ZFHX3: variants seen among roughly 807,000 people sequenced by gnomAD.
The protein encoded by ZFHX3 is zinc finger homeobox 3.
Under a neutral mutation model 279.1 loss-of-function variants are expected in ZFHX3, and 42 were observed. The observed-to-expected ratio is 0.15, with a 90% confidence interval of 0.12 to 0.19. The LOEUF is 0.19. Among genes scored for constraint, ZFHX3 ranks in the 10% least tolerant of loss-of-function variants. The pLI, the probability that ZFHX3 is intolerant of heterozygous loss-of-function variation, is 1.00. For missense variants in ZFHX3, 4,981 were observed against 4,754.0 expected (o/e 1.05, Z -1.40); for synonymous variants, 2,293 against 1,957.8 (o/e 1.17, Z -4.52).
intron 3 of ZFHX3, among the ~76,000 whole-genome samples, chr16:73,373,850 A>C (rs1433188286): frequency 7.9e-5 from 12 of 152,246 alleles, no homozygotes; most frequent in Non-Finnish European, 4.4e-5. Context: ...CCTTCAGACT[A>C]TTAATGATTG....
rs56328056 is a variant in ZFHX3 at position 72,882,977 on chromosome 16, GGTGTGTGTGTGTGTGTGTGTGT to G, written c.3448+6732_3448+6753del. 4.2e-3 allele frequency among the ~76,000 whole-genome samples: 272 copies of G among 65,444 alleles called. 2 individuals carry two copies. Among genetic ancestry groups the G allele is most frequent in the South Asian group, 9.1e-3 (14 of 1,544 alleles). The allele number at this position is 65,444 out of a possible 152,430, so 42.9% of individuals were successfully genotyped here. On this transcript the variant is annotated intron_variant, in intron 4 of 9. Transcript: ENST00000268489. ...ATTTTTGGCCTTCACACCACTCTGGGGTGTGTGTGTGTGTGTGTGTGTGTGTGTGTGTGTGTGTGTGTGTGTG... is the reference window on the plus strand; with the variant it reads ...ATTTTTGGCCTTCACACCACTCTGGGGTGTGTGTGTGTGTGTGTGTGTGTG...
At chr16:73,023,139 A>T (rs1206753439) in intron 1 of ZFHX3, among the ~76,000 whole-genome samples, 1 of 152,226 alleles carries the variant, frequency 6.6e-6, no homozygotes, top group African/African-American at 2.4e-5. Flanking sequence ...AGGCAGGAGA[A>T]TCGCTTGAAC....
At chr16:73,190,998 T>G (rs1419091195) in intron 5 of ZFHX3, among the ~76,000 whole-genome samples, 3 of 152,042 alleles carry the variant, frequency 2.0e-5, no homozygotes, top group Non-Finnish European at 4.4e-5. Flanking sequence ...CTTTTTAGTT[T>G]GCTACCCCCT....
chr16:73,054,804 G>A (rs1965515923), intron 1 of ZFHX3, among the ~76,000 whole-genome samples: 1 of 152,058 alleles, frequency 6.6e-6, no homozygotes, highest in Non-Finnish European at 1.5e-5. Context: ...AATACCCCAA[G>A]ACTGTAAATC....
At chr16:73,434,318 G>T (rs1049046668) in intron 3 of ZFHX3, among the ~76,000 whole-genome samples, 1 of 152,152 alleles carries the variant, frequency 6.6e-6, no homozygotes, top group Admixed American at 6.5e-5. Flanking sequence ...AAGGTGAACG[G>T]GAGGTCTGTG....
At chr16:72,891,903 T>C (rs564051375) in intron 3 of ZFHX3, among the ~76,000 whole-genome samples, 1 of 152,328 alleles carries the variant, frequency 6.6e-6, no homozygotes, top group Admixed American at 6.5e-5. Context: ...TGCTTCTGTC[T>C]GATGTTTATG....
chr16:72,941,926 C>T (rs562912162), intron 3 of ZFHX3, among the ~76,000 whole-genome samples: 4 of 152,126 alleles, frequency 2.6e-5, no homozygotes, highest in African/African-American at 7.2e-5. Context: ...TCAATACTAC[C>T]GAAATGGTTT....
chr16:73,878,493 A>C (rs2030027851), intron 1 of ZFHX3, among the ~76,000 whole-genome samples: 1 of 152,176 alleles, frequency 6.6e-6, no homozygotes. Flanking sequence ...ATTAATAGGA[A>C]AAGTAGACTT....
At chr16:73,046,325 A>G (rs1965299928) in intron 1 of ZFHX3, among the ~76,000 whole-genome samples, 1 of 152,190 alleles carries the variant, frequency 6.6e-6, no homozygotes, top group Admixed American at 6.5e-5. Flanking sequence ...TCAGAATCTC[A>G]GGCTGCCAGT....
intron 1 of ZFHX3, among the ~76,000 whole-genome samples, chr16:73,027,235 G>C (rs1337807831): frequency 6.6e-6 from 1 of 152,220 alleles, no homozygotes; most frequent in Non-Finnish European, 1.5e-5. Flanking sequence ...GCAGACTAGA[G>C]TTTGCCAATC....
chr16:73,452,194 G>A lies in ZFHX3; in HGVS notation c.-1291+3809C>T, dbSNP rs140710184. Among the ~76,000 whole-genome samples the A allele has an allele frequency of 9.0e-3, 1,363 of 152,268 alleles. 55 individuals carry two copies. Among genetic ancestry groups the A allele is most frequent in the Admixed American group, 0.077 (1,171 of 15,284 alleles). On this transcript the variant is annotated intron_variant, in intron 3 of 17. Coordinates refer to the ZFHX3 transcript ENST00000641206. ...ATGTGTCTGATTGAACGTTTGTGCT[G>A]TAATTTACTTATAATTAACATTTTA...
At chr16:73,428,367 T>C (rs1567481196) in intron 3 of ZFHX3, among the ~76,000 whole-genome samples, 1 of 152,172 alleles carries the variant, frequency 6.6e-6, no homozygotes, top group African/African-American at 2.4e-5. Flanking sequence ...CTTCCCATTC[T>C]GGCAGCCTGC....
chr16:73,180,025 T>C (rs1567411392), intron 5 of ZFHX3, among the ~76,000 whole-genome samples: 2 of 152,114 alleles, frequency 1.3e-5, no homozygotes, highest in African/African-American at 2.4e-5. Context: ...ACTATGTCAA[T>C]AGAAGGTGAT....
intron 4 of ZFHX3, among the ~76,000 whole-genome samples, chr16:73,260,763 A>G (rs1254623028): frequency 7.1e-6 from 1 of 140,082 alleles, no homozygotes; most frequent in African/African-American, 2.7e-5. Flanking sequence ...GCTCACTGCA[A>G]CCTCCGCCTC....
At chr16:73,822,379 C>T (rs1960771930) in intron 1 of ZFHX3, among the ~76,000 whole-genome samples, 1 of 152,172 alleles carries the variant, frequency 6.6e-6, no homozygotes, top group Admixed American at 6.6e-5. Flanking sequence ...GAAAAAGGCA[C>T]CATTCATCCC....
At chr16:72,880,493 G>C (rs894995131) in intron 4 of ZFHX3, among the ~76,000 whole-genome samples, 1 of 152,126 alleles carries the variant, frequency 6.6e-6, no homozygotes, top group African/African-American at 2.4e-5. Context: ...CCAAGGCCTC[G>C]GGAGAAGCCA....
At chr16:73,304,331 T>C (rs1359385479) in intron 4 of ZFHX3, among the ~76,000 whole-genome samples, 1 of 152,132 alleles carries the variant, frequency 6.6e-6, no homozygotes, top group Non-Finnish European at 1.5e-5. Context: ...TTTGGAACAA[T>C]AGTGAGGTCA....
intron 6 of ZFHX3, chr16:73,137,672 G>T (rs1400205597): frequency 1.3e-5 from 2 of 151,984 alleles, no homozygotes; most frequent in Non-Finnish European, 2.9e-5. Context: ...AATAACTGTG[G>T]TCCTAAAACA....
intron 5 of ZFHX3, among the ~76,000 whole-genome samples, chr16:73,186,104 A>G (rs138099199): frequency 2.0e-5 from 3 of 152,246 alleles, no homozygotes; most frequent in African/African-American, 7.2e-5. Context: ...GGGACCATCT[A>G]GTTGCAAGAA....
Sources: allele counts gnomAD v4.1 joint callset (sites outside exome capture counted in the v4.1 genomes callset), GRCh38; gene constraint gnomAD v4.1.1; transcripts MANE v1.5; gene names NCBI Gene and HGNC (gene_info 2026-07-23, HGNC 2026-07-21).